Variants in DNM2 observed in about 807,000 individuals in gnomAD.
DNM2 encodes the protein dynamin-2.
Under a neutral mutation model 99.0 loss-of-function variants are expected in DNM2, and 15 were observed. The ratio of observed to expected loss-of-function variants is 0.15; its 90% confidence interval spans 0.10 to 0.23. The LOEUF is 0.23. Among genes scored for constraint, DNM2 ranks in the 10% least tolerant of loss-of-function variants. The pLI is 1.00. For synonymous variants in DNM2, 525 were observed against 481.2 expected, an observed-to-expected ratio of 1.09 and a Z score of -1.19; for missense variants, 742 against 1,189.4, an observed-to-expected ratio of 0.62 and a Z score of 5.53.
At chr19:10,810,575 G>C (rs1030339202) in intron 14 of DNM2, 1 of 152,410 alleles carries the variant, frequency 6.6e-6, no homozygotes, top group African/African-American at 2.4e-5. Context: ...AGTGTAGCGT[G>C]GGCCCTGTGC....
intron 7 of DNM2, among the ~76,000 whole-genome samples, chr19:10,791,840 C>G (rs1383887707): frequency 6.6e-6 from 1 of 152,210 alleles, no homozygotes; most frequent in Non-Finnish European, 1.5e-5. Flanking sequence ...AATCCCAGCA[C>G]TTTGGGAGGC....
At position 10,830,147 on chromosome 19, in the gene DNM2, C is replaced by T. The variant is rs202060910; in HGVS notation, c.2312C>T (p.Pro771Leu). ...CACAGCCCCACTCCACAGCGCCGACCGGTGTCCAGCATACACCCCCCTGGC... is the reference window on the plus strand; with the variant it reads ...CACAGCCCCACTCCACAGCGCCGACTGGTGTCCAGCATACACCCCCCTGGC... ...SSHSPTPQRR[P>L]VSSIHPPGRP... The change falls in exon 20 of 21, where the codon CCG (proline) becomes CTG (leucine). Residue 771 changes from proline (P) to leucine (L), a missense_variant. Pro to Leu is a moderately conservative substitution (Grantham distance 98). Around this residue, in one of 7 missense-constraint regions of DNM2, gnomAD observed 187 missense variants for 218.8 expected, o/e 0.85. Transcript: ENST00000389253. The surrounding 1 kb of genome is among the most constrained non-coding windows in gnomAD (Gnocchi z 4.8). 3.0e-5 allele frequency: 48 copies of T among 1,613,858 alleles called. No individual in the cohort carries two copies. In the East Asian group the frequency reaches 7.4e-4, roughly 25 times the overall value.
Position 10,829,022 on chromosome 19 carries a change from A to C in DNM2, c.2059-14A>C, listed in dbSNP as rs1599638800. On this transcript the variant is annotated splice_polypyrimidine_tract_variant and intron_variant, in intron 18 of 20. Coordinates refer to ENST00000389253, the MANE Select transcript of DNM2 (RefSeq NM_001005361.3). ...TGATACACAAGCCTGACCCTCCCCA[A>C]CCCCTGCCCGCAGACGAAGGCCTTC... 6.2e-7 allele frequency: 1 copy of C among 1,610,436 alleles called. No homozygotes were observed. Among genetic ancestry groups the C allele is most frequent in the Non-Finnish European group, 8.5e-7 (1 of 1,178,690 alleles).
intron 1 of DNM2, among the ~76,000 whole-genome samples, chr19:10,749,492 G>A (rs1314041220): frequency 6.6e-6 from 1 of 152,234 alleles, no homozygotes; most frequent in African/African-American, 2.4e-5. Flanking sequence ...GTGGGGTGAA[G>A]TGACTTGAGC....
At chr19:10,774,549 C>T (rs2071086390) in intron 3 of DNM2, among the ~76,000 whole-genome samples, 1 of 152,082 alleles carries the variant, frequency 6.6e-6, no homozygotes, top group Non-Finnish European at 1.5e-5. Context: ...GCCTCAGCCC[C>T]CTGAGTAGCT....
chr19:10,744,978 C>T (rs1042157228), intron 1 of DNM2, among the ~76,000 whole-genome samples: 5 of 152,126 alleles, frequency 3.3e-5, no homozygotes, highest in African/African-American at 1.2e-4. Flanking sequence ...CTCAGTACTG[C>T]TGAAAGTTAC....
At position 10,764,600 on chromosome 19, in the gene DNM2, T is replaced by G. The variant is rs2070735902; in HGVS notation, c.235+4789T>G. The stretch of plus-strand genomic sequence containing the variant: ...CACCCCTCCCCACCGCCCTTGGCCT[T>G]GAACTGGCCTTTGGTGTGCTCACCG... On this transcript the variant is annotated intron_variant, in intron 2 of 20. Transcript: ENST00000389253. The surrounding 1 kb of genome is among the most constrained non-coding windows in gnomAD (Gnocchi z 4.1). Among the ~76,000 whole-genome samples, 1 of 152,220 alleles carries G rather than the reference T, an allele frequency of 6.6e-6. No homozygotes were observed. Among genetic ancestry groups the G allele is most frequent in the South Asian group, 2.1e-4 (1 of 4,838 alleles).
chr19:10,732,329 G>T (rs550508744), intron 1 of DNM2, among the ~76,000 whole-genome samples: 4 of 149,640 alleles, frequency 2.7e-5, no homozygotes, highest in Non-Finnish European at 5.9e-5. Context: ...CAGGCCGGGC[G>T]GTGGCTCATG....
Position 10,718,135 on chromosome 19 carries a change from G to C in DNM2, c.-108G>C. 1 of 1,197,916 alleles carries C rather than the reference G, an allele frequency of 8.3e-7. No individual in the cohort carries two copies. Among genetic ancestry groups the C allele is most frequent in the Non-Finnish European group, 1.1e-6 (1 of 949,374 alleles). 74.2% of individuals were successfully genotyped at this position (1,197,916 alleles called of 1,614,324 possible). A position where few individuals can be genotyped will look rare whatever the true frequency, so the allele number is the denominator to read the frequency against. On this transcript the variant is annotated 5_prime_UTR_variant, in exon 1 of 21. Transcript: ENST00000389253. ...GAGCCGGGAGCGGGCGTCTTGCCGA[G>C]GCCCGGGCGGGCGGGGAGCAACGGC...
chr19:10,757,194 G>A (rs973612045), intron 1 of DNM2, among the ~76,000 whole-genome samples: 1 of 152,066 alleles, frequency 6.6e-6, no homozygotes, highest in Non-Finnish European at 1.5e-5. Flanking sequence ...TAGCCCTGTT[G>A]CCCATCACGA....
In DNM2 at chr19:10,786,553, C is replaced by G; in HGVS notation, c.850-11C>G. 1 of 1,614,096 alleles carries G rather than the reference C, an allele frequency of 6.2e-7. No individual in the cohort carries two copies. The highest frequency in any genetic ancestry group is 8.5e-7 in the Non-Finnish European group (1 of 1,180,028). ...TGCCACCCTTTCTGATCTCTGACCT[C>G]TCTCCTGCAGCAACTGACCAACCAC... is the stretch of plus-strand genomic sequence containing the variant. On this transcript the variant is annotated splice_polypyrimidine_tract_variant and intron_variant, in intron 6 of 20. Transcript: ENST00000389253.
In DNM2 at chr19:10,759,378, C is replaced by T. The variant is rs1252957783; in HGVS notation, c.162-360C>T. Among the ~76,000 whole-genome samples, 3 of 152,098 alleles carry T rather than the reference C, an allele frequency of 2.0e-5. No homozygotes were observed. In the East Asian group the frequency reaches 5.8e-4, roughly 29 times the overall value. On this transcript the variant is annotated intron_variant, in intron 1 of 20. Transcript: ENST00000389253. ...TCAATAACTTTCCTCGTATTTTACC[C>T]ATATACATGTGGCATTGTGTTGATT...
At chr19:10,828,934 TG>T in intron 18 of DNM2, 101 bp from the exon 19 acceptor site, 3 of 1,260,800 alleles carry the variant, frequency 2.4e-6, no homozygotes, top group Non-Finnish European at 3.4e-6. Context: ...CAAAAAAGTC[TG>T]GGGGTGGCCC....
chr19:10,775,941 G>GT lies in DNM2; in HGVS notation c.589+36dup, dbSNP rs2071137753. ...AGCCTAGGGCAGTCCCCTCTTCCAG[G>GT]TGCCTCTGAGCATGGGATGTGCCCA... On this transcript the variant is annotated intron_variant, in intron 4 of 20. Transcript: ENST00000389253. The surrounding 1 kb of genome is among the most constrained non-coding windows in gnomAD (Gnocchi z 4.3). 4 of 1,602,642 alleles carry GT rather than the reference G, an allele frequency of 2.5e-6. No homozygotes were observed. The East Asian group carries it at 8.9e-5, about 36-fold the overall frequency.
chr19:10,784,693 G>T (rs974609256), intron 6 of DNM2, among the ~76,000 whole-genome samples: 3 of 152,226 alleles, frequency 2.0e-5, no homozygotes, highest in Non-Finnish European at 4.4e-5. Context: ...GGGCTGCAGG[G>T]CAGGGACCCT....
chr19:10,779,064 A>C (rs1337105618), intron 5 of DNM2, among the ~76,000 whole-genome samples: 1 of 151,980 alleles, frequency 6.6e-6, no homozygotes, highest in Non-Finnish European at 1.5e-5. Context: ...AAATACAAAA[A>C]ATTAGCCAGG....
In DNM2 at chr19:10,829,173, G is replaced by A. The variant is rs778166280; in HGVS notation, c.2196G>A (p.Ala732=). The A allele has an allele frequency of 2.4e-5, 39 of 1,613,922 alleles. No homozygotes were observed. The highest frequency in any genetic ancestry group is 3.2e-5 in the Non-Finnish European group (38 of 1,180,028). ...GCATGTACCATGCCCTCAAGGAGGC[G>A]CTCAACATCATCGGTGACATCAGCA... ...MLRMYHALKE[A]LNIIGDISTS... is the part of the protein sequence containing the mutation. The change falls in exon 19 of 21, where the codon GCG becomes GCA. Residue 732 remains alanine, a synonymous_variant. Coordinates refer to ENST00000389253, the MANE Select transcript of DNM2 (RefSeq NM_001005361.3).
chr19:10,770,154 G>C (rs759479527), intron 2 of DNM2, among the ~76,000 whole-genome samples: 2 of 152,214 alleles, frequency 1.3e-5, no homozygotes, highest in Non-Finnish European at 2.9e-5. Context: ...TGATGGGACG[G>C]TGAAACTCCT....
At position 10,775,816 on chromosome 19, in the gene DNM2, G is replaced by C; in HGVS notation, c.499G>C (p.Glu167Gln). The C allele has an allele frequency of 6.2e-7, 1 of 1,614,156 alleles. No individual in the cohort carries two copies. Among genetic ancestry groups the C allele is most frequent in the Non-Finnish European group, 8.5e-7 (1 of 1,180,038 alleles). Residue 167 changes from glutamate to glutamine, a missense_variant, in exon 4 of 21, where the codon GAG becomes CAG. Glu to Gln is a conservative substitution (Grantham distance 29, BLOSUM62 2). This residue lies in a region of DNM2 where 192 missense variants were observed against 358.9 expected (regional missense o/e 0.54). Transcript: ENST00000389253. The surrounding 1 kb of genome is among the most constrained non-coding windows in gnomAD (Gnocchi z 4.3). ...CATGATCCTGCAGTTCATCAGCCGG[G>C]AGAGCAGCCTCATTCTGGCTGTCAC... The part of the protein sequence containing the change: ...KDMILQFISR[E>Q]SSLILAVTPA...
Sources: gnomAD v4.1 joint callset for allele counts (sites outside exome capture counted in the v4.1 genomes callset) on GRCh38, gnomAD v4.1.1 for gene constraint, gnomAD v4.1.1 regional missense constraint, Gnocchi (gnomAD v3.1) non-coding constraint, MANE v1.5 for transcripts, NCBI Gene and HGNC (gene_info 2026-07-23, HGNC 2026-07-21) for gene names.